The following NR3C1 variants were observed in gnomAD, a reference collection of about 807,000 sequenced individuals.
NR3C1 encodes the protein nuclear receptor subfamily 3 group C member 1.
In NR3C1, 14 loss-of-function variants were observed where a neutral mutation model predicts 74.0. The observed-to-expected ratio is 0.19, with a 90% CI of 0.12 to 0.30. The LOEUF is 0.30. Ranked by LOEUF, NR3C1 falls within the 10% of genes least tolerant of loss-of-function variation. NR3C1 has a pLI of 1.00. For missense variants in NR3C1, 695 were observed against 909.8 expected, an observed-to-expected ratio of 0.76 and a Z score of 3.04; for synonymous variants, 308 against 332.5, an observed-to-expected ratio of 0.93 and a Z score of 0.80.
chr5:143,370,511 C>A (rs1834051536), intron 2 of NR3C1, among the ~76,000 whole-genome samples: 5 of 152,138 alleles, frequency 3.3e-5, no homozygotes, highest in Admixed American at 2.6e-4. Context: ...AGCAGAATAA[C>A]TTGTATTTTT....
At chr5:143,383,172 T>G (rs1472031130) in intron 2 of NR3C1, among the ~76,000 whole-genome samples, 1 of 152,244 alleles carries the variant, frequency 6.6e-6, no homozygotes, top group East Asian at 1.9e-4. Context: ...CAGAAACAAC[T>G]AAAGCTTTGT....
At chr5:143,336,178 T>C (rs1827085083) in intron 2 of NR3C1, among the ~76,000 whole-genome samples, 1 of 152,248 alleles carries the variant, frequency 6.6e-6, no homozygotes, top group African/African-American at 2.4e-5. Flanking sequence ...GATGATATAA[T>C]CTGTGATGTT....
At position 143,424,767 on chromosome 5, in the gene NR3C1, A is replaced by T. The variant is rs1199259035; in HGVS notation, c.-14+9765T>A. On this transcript the variant is annotated intron_variant, in intron 1 of 8. Coordinates refer to the NR3C1 transcript ENST00000343796. ...CAAAGGGGAAATGAACATGGCATTG[A>T]GTGTTAGAATAGAGATGAAATCAAT... 2.0e-5 allele frequency among the ~76,000 whole-genome samples: 3 copies of T among 152,288 alleles called. No individual in the cohort carries two copies. In the East Asian group the frequency reaches 5.8e-4, roughly 29 times the overall value.
chr5:143,319,924 C>T (rs1822986583), intron 2 of NR3C1, among the ~76,000 whole-genome samples: 1 of 152,174 alleles, frequency 6.6e-6, no homozygotes, highest in Non-Finnish European at 1.5e-5. Flanking sequence ...AGATTCAAAA[C>T]AGAACTGAAG....
chr5:143,403,087 A>ACC, intron 1 of NR3C1, 124 bp downstream of exon 1: 187 of 218,998 alleles, frequency 8.5e-4, no homozygotes, highest in Non-Finnish European at 9.7e-4. Context: ...CCAGCCCCCC[A>ACC]CCCCCACTCC....
chr5:143,317,034 T>A (rs1191389130), intron 2 of NR3C1, among the ~76,000 whole-genome samples: 6 of 152,184 alleles, frequency 3.9e-5, no homozygotes, highest in Admixed American at 3.3e-4. Context: ...GCAGTCGTTC[T>A]GGGCTACATC....
chr5:143,355,644 C>T (rs1831004477), intron 2 of NR3C1, among the ~76,000 whole-genome samples: 1 of 152,058 alleles, frequency 6.6e-6, no homozygotes, highest in Non-Finnish European at 1.5e-5. Context: ...AATAAATCAA[C>T]ATAAGGAGCA....
chr5:143,428,561 T>G (rs1432853765), intron 1 of NR3C1, among the ~76,000 whole-genome samples: 1 of 152,202 alleles, frequency 6.6e-6, no homozygotes, highest in Non-Finnish European at 1.5e-5. Flanking sequence ...GCTGGCAAAC[T>G]ATAGGAAAGT....
chr5:143,342,986 G>A (rs1354726487), intron 2 of NR3C1, among the ~76,000 whole-genome samples: 1 of 152,056 alleles, frequency 6.6e-6, no homozygotes, highest in Non-Finnish European at 1.5e-5. Flanking sequence ...CTCTTTTAGG[G>A]GAACCCAAAG....
chr5:143,414,121 A>C (rs1841400317), intron 1 of NR3C1, among the ~76,000 whole-genome samples: 1 of 152,322 alleles, frequency 6.6e-6, no homozygotes, highest in South Asian at 2.1e-4. Flanking sequence ...TGTACTTTGA[A>C]ATTTCAAATG....
chr5:143,430,089 A>C lies in NR3C1; in HGVS notation c.-14+4443T>G, dbSNP rs1751735931. On this transcript the variant is annotated intron_variant, in intron 1 of 8. Transcript: ENST00000343796. ...AGAGTGAGACTCCATCTCCAAAAAAAAAAAAGAAAAGAAAAGAAAAAGAAA... is the reference window on the plus strand; with the variant it reads ...AGAGTGAGACTCCATCTCCAAAAAACAAAAAGAAAAGAAAAGAAAAAGAAA... Among the ~76,000 whole-genome samples, 3 of 151,870 alleles carry C rather than the reference A, an allele frequency of 2.0e-5. No homozygotes were observed. In the South Asian group the frequency reaches 6.2e-4, roughly 32 times the overall value.
intron 2 of NR3C1, among the ~76,000 whole-genome samples, chr5:143,367,748 T>C (rs1185204416): frequency 1.3e-5 from 2 of 152,304 alleles, no homozygotes; most frequent in Non-Finnish European, 2.9e-5. Context: ...ACTAAATATC[T>C]ACAGAAATGG....
At chr5:143,319,133 A>G (rs1822792222) in intron 2 of NR3C1, among the ~76,000 whole-genome samples, 1 of 152,184 alleles carries the variant, frequency 6.6e-6, no homozygotes, top group African/African-American at 2.4e-5. Flanking sequence ...TAAAGATTCT[A>G]AACCAGATAG....
rs749042465 is a variant in NR3C1 at position 143,280,549 on chromosome 5, A to G, written c.*1340T>C. The G allele has an allele frequency of 1.3e-5, 2 of 152,628 alleles. No homozygotes were observed. Among genetic ancestry groups the G allele is most frequent in the Non-Finnish European group, 2.9e-5 (2 of 68,024 alleles). 9.5% of individuals were successfully genotyped at this position (152,628 alleles called of 1,614,324 possible). On this transcript the variant is annotated 3_prime_UTR_variant, in exon 9 of 9. Coordinates refer to ENST00000394464, the MANE Select transcript of NR3C1 (RefSeq NM_000176.3). Reference sequence around the variant, plus strand: ...CTACTACAGCTTCTATTTTGTTTAAAATAATTTTCAACAGTGAAGAAATTC... The same window carrying G: ...CTACTACAGCTTCTATTTTGTTTAAGATAATTTTCAACAGTGAAGAAATTC...
chr5:143,345,257 C>T (rs552496420), intron 2 of NR3C1, among the ~76,000 whole-genome samples: 20 of 152,198 alleles, frequency 1.3e-4, no homozygotes, highest in Middle Eastern at 3.4e-3. Flanking sequence ...GTCACCAGGC[C>T]GGAGTGCAGG....
intron 2 of NR3C1, among the ~76,000 whole-genome samples, chr5:143,338,249 C>T (rs183578615): frequency 6.6e-6 from 1 of 152,114 alleles, no homozygotes; most frequent in African/African-American, 2.4e-5. Context: ...GTGTACAGTA[C>T]ATAATACTCG....
intron 1 of NR3C1, among the ~76,000 whole-genome samples, chr5:143,415,889 A>G (rs1841460207): frequency 6.6e-6 from 1 of 151,486 alleles, no homozygotes; most frequent in Non-Finnish European, 1.5e-5. Flanking sequence ...CTTCCTTTAG[A>G]CATTCTAGAA....
intron 2 of NR3C1, among the ~76,000 whole-genome samples, chr5:143,314,522 A>G (rs1339662008): frequency 6.7e-6 from 1 of 148,712 alleles, no homozygotes; most frequent in East Asian, 2.0e-4. Context: ...TCTATAATTT[A>G]TGGTTTTTGT....
intron 4 of NR3C1, among the ~76,000 whole-genome samples, chr5:143,309,073 CTTTTTTTTTTT>C (rs397830399): frequency 7.4e-6 from 1 of 134,428 alleles, no homozygotes; most frequent in African/African-American, 2.8e-5. Flanking sequence ...TTTCAGGTTT[CTTTTTTTTTTT>C]TTTTTTCCAA....
Sources: gnomAD v4.1 joint callset for allele counts (sites outside exome capture counted in the v4.1 genomes callset) on GRCh38, gnomAD v4.1.1 for gene constraint, MANE v1.5 for transcripts, NCBI Gene and HGNC (gene_info 2026-07-23, HGNC 2026-07-21) for gene names.